The following CAMKMT variants were observed in gnomAD, a reference collection of about 807,000 sequenced individuals.
CAMKMT encodes calmodulin-lysine N-methyltransferase, also known as CaM KMT.
A neutral mutation model predicts 48.0 loss-of-function variants in CAMKMT; 53 were observed. That is an observed-to-expected ratio of 1.10 (90% CI 0.89 to 1.39). The LOEUF is 1.39. CAMKMT is among the 40% of genes most tolerant of loss of function. The pLI is 0.00. For synonymous variants in CAMKMT, 165 were observed against 152.3 expected (o/e 1.08, Z -0.61); for missense variants, 428 against 402.7 (o/e 1.06, Z -0.54).
chr2:44,385,241 C>G (rs907488394), intron 2 of CAMKMT, among the ~76,000 whole-genome samples: 13 of 150,618 alleles, frequency 8.6e-5, no homozygotes, highest in African/African-American at 3.2e-4. Flanking sequence ...TTTTTTGCAG[C>G]TGTTGCAAAA....
intron 6 of CAMKMT, among the ~76,000 whole-genome samples, chr2:44,712,812 A>G (rs1677953714): frequency 6.6e-6 from 1 of 152,144 alleles, no homozygotes; most frequent in Admixed American, 6.6e-5. Context: ...CCTTTATTAC[A>G]CTGAGGTGAC....
chr2:44,729,936 ACTAT>A (rs1302915082), intron 7 of CAMKMT, among the ~76,000 whole-genome samples: 1 of 152,174 alleles, frequency 6.6e-6, no homozygotes, highest in African/African-American at 2.4e-5. Context: ...ATTTCAACAG[ACTAT>A]CTAAGAATTA....
chr2:44,452,303 G>A (rs1667334126), intron 3 of CAMKMT, among the ~76,000 whole-genome samples: 1 of 151,926 alleles, frequency 6.6e-6, no homozygotes, highest in South Asian at 2.1e-4. Context: ...AATAAATAAT[G>A]CTTATTAAGC....
At chr2:44,446,627 G>A (rs1366911385) in intron 3 of CAMKMT, among the ~76,000 whole-genome samples, 1 of 152,076 alleles carries the variant, frequency 6.6e-6, no homozygotes, top group African/African-American at 2.4e-5. Context: ...ATTACAGGCC[G>A]CGCCACTATG....
intron 3 of CAMKMT, among the ~76,000 whole-genome samples, chr2:44,602,865 A>T (rs547858153): frequency 6.6e-6 from 1 of 151,988 alleles, no homozygotes; most frequent in Non-Finnish European, 1.5e-5. Flanking sequence ...TTGGGTGGGG[A>T]CACAGAGACA....
At chr2:44,619,998 G>A (rs1490876172) in intron 3 of CAMKMT, among the ~76,000 whole-genome samples, 1 of 152,012 alleles carries the variant, frequency 6.6e-6, no homozygotes, top group East Asian at 1.9e-4. Flanking sequence ...ATCCCATTCA[G>A]TACTTCTTTT....
At chr2:44,510,468 T>A (rs917356367) in intron 3 of CAMKMT, among the ~76,000 whole-genome samples, 3 of 152,210 alleles carry the variant, frequency 2.0e-5, no homozygotes, top group African/African-American at 7.2e-5. Flanking sequence ...AATGTTCACC[T>A]TGATCACTTG....
intron 3 of CAMKMT, among the ~76,000 whole-genome samples, chr2:44,634,260 G>C (rs776968822): frequency 2.0e-5 from 3 of 151,770 alleles, no homozygotes; most frequent in African/African-American, 7.3e-5. Flanking sequence ...AGCCACCTCA[G>C]CCTCCCCTAA....
chr2:44,518,019 G>T lies in CAMKMT; in HGVS notation c.376+127714G>T, dbSNP rs568427489. 4.6e-5 allele frequency among the ~76,000 whole-genome samples: 7 copies of T among 152,132 alleles called. No individual in the cohort carries two copies. In the South Asian group the frequency reaches 1.5e-3, roughly 32 times the overall value. ...CTTAACAAACTACCTACCCATCTTGGCTCTGGTGCCAGCCAGTGTTTTGTG... is the reference window on the plus strand; with the variant it reads ...CTTAACAAACTACCTACCCATCTTGTCTCTGGTGCCAGCCAGTGTTTTGTG... On this transcript the variant is annotated intron_variant, in intron 3 of 10. Transcript: ENST00000378494.
At chr2:44,579,039 G>GAA (rs1300338134) in intron 3 of CAMKMT, among the ~76,000 whole-genome samples, 1 of 152,198 alleles carries the variant, frequency 6.6e-6, no homozygotes, top group Non-Finnish European at 1.5e-5. Context: ...AACATTTCAA[G>GAA]AAGTAGGTTG....
intron 3 of CAMKMT, among the ~76,000 whole-genome samples, chr2:44,638,282 T>G (rs1395871028): frequency 6.6e-6 from 1 of 152,210 alleles, no homozygotes; most frequent in Non-Finnish European, 1.5e-5. Context: ...TATCAGTTAA[T>G]ATTTCTCAGT....
At chr2:44,561,081 GT>G (rs1446394571) in intron 3 of CAMKMT, among the ~76,000 whole-genome samples, 1 of 151,868 alleles carries the variant, frequency 6.6e-6, no homozygotes, top group African/African-American at 2.4e-5. Flanking sequence ...TAACATTCTT[GT>G]TTGTCTTCTT....
intron 3 of CAMKMT, among the ~76,000 whole-genome samples, chr2:44,509,297 AGTTTTTTGTTTTT>A (rs1406102689): frequency 1.3e-5 from 2 of 151,774 alleles, no homozygotes; most frequent in Non-Finnish European, 2.9e-5. Flanking sequence ...ACAAAAAAAA[AGTTTTTTGTTTTT>A]GTTTTTTGTT....
At chr2:44,564,427 G>A (rs1232367823) in intron 3 of CAMKMT, among the ~76,000 whole-genome samples, 2 of 152,024 alleles carry the variant, frequency 1.3e-5, no homozygotes, top group Non-Finnish European at 2.9e-5. Flanking sequence ...CACCTGCCTC[G>A]GCCTCCCAAA....
intron 3 of CAMKMT, among the ~76,000 whole-genome samples, chr2:44,658,497 C>G (rs1674500525): frequency 6.6e-6 from 1 of 152,144 alleles, no homozygotes; most frequent in African/African-American, 2.4e-5. Context: ...AATTTTTTTA[C>G]AAAAGCGTGA....
chr2:44,699,100 C>T (rs542336868), intron 3 of CAMKMT, among the ~76,000 whole-genome samples: 58 of 152,168 alleles, frequency 3.8e-4, no homozygotes, highest in Admixed American at 8.5e-4. Flanking sequence ...AAATCATCCA[C>T]GAATGTTGAA....
chr2:44,587,558 C>T (rs2103798431), intron 3 of CAMKMT, among the ~76,000 whole-genome samples: 1 of 142,690 alleles, frequency 7.0e-6, no homozygotes, highest in East Asian at 2.0e-4. Flanking sequence ...GCCATCTCGG[C>T]TCACTGCAAC....
At chr2:44,453,501 A>T (rs1408531080) in intron 3 of CAMKMT, among the ~76,000 whole-genome samples, 1 of 152,074 alleles carries the variant, frequency 6.6e-6, no homozygotes, top group Non-Finnish European at 1.5e-5. Flanking sequence ...ACAGCCCATT[A>T]CTGAATGTAA....
intron 3 of CAMKMT, among the ~76,000 whole-genome samples, chr2:44,533,001 A>G (rs1477511689): frequency 6.6e-6 from 1 of 151,208 alleles, no homozygotes; most frequent in African/African-American, 2.4e-5. Flanking sequence ...TTTAGTAGAG[A>G]CGGGGTTTCG....
Sources: allele counts gnomAD v4.1 joint callset (sites outside exome capture counted in the v4.1 genomes callset), GRCh38; gene constraint gnomAD v4.1.1; transcripts MANE v1.5; gene names NCBI Gene and HGNC (gene_info 2026-07-23, HGNC 2026-07-21).